The following INTS9 variants were observed in gnomAD, a reference collection of about 807,000 sequenced individuals.
The protein encoded by INTS9 is protein related to CPSF subunits of 74 kDa.
Under a neutral mutation model 79.7 loss-of-function variants are expected in INTS9, and 55 were observed. That is an observed-to-expected ratio of 0.69 (90% CI 0.56 to 0.86). The LOEUF (loss-of-function observed/expected upper bound fraction) is 0.86, where lower values mean the gene tolerates loss of function less well. INTS9 is among the 40% of genes least tolerant of loss of function. The pLI is 0.00. For synonymous variants in INTS9, 319 were observed against 325.2 expected (o/e 0.98, Z 0.20); for missense variants, 721 against 831.5 (o/e 0.87, Z 1.64).
At chr8:28,823,538 T>A (rs779522675) in intron 6 of INTS9, among the ~76,000 whole-genome samples, 1 of 152,234 alleles carries the variant, frequency 6.6e-6, no homozygotes, top group African/African-American at 2.4e-5. Flanking sequence ...TTCATTCTCC[T>A]GTGCAGACTC....
rs1806509270 is a variant in INTS9, at chr8:28,831,857, C to A, written c.488+3435G>T. Among the ~76,000 whole-genome samples the A allele has an allele frequency of 3.3e-5, 5 of 152,100 alleles. No homozygotes were observed. In the South Asian group the frequency reaches 8.3e-4, roughly 25 times the overall value. ...GGAACTACAGGTGCCCACCACTACG[C>A]CTGGCTAATTTTTTTTTGTATTTTT... On this transcript the variant is annotated intron_variant, in intron 6 of 16. Transcript: ENST00000521022.
chr8:28,847,749 G>A (rs1035885736), intron 3 of INTS9, among the ~76,000 whole-genome samples: 8 of 152,188 alleles, frequency 5.3e-5, no homozygotes, highest in African/African-American at 1.9e-4. Context: ...TATATGGGAG[G>A]TGCTGAGAAA....
At chr8:28,865,554 C>T (rs1808697871) in intron 1 of INTS9, among the ~76,000 whole-genome samples, 1 of 151,476 alleles carries the variant, frequency 6.6e-6, no homozygotes, top group Non-Finnish European at 1.5e-5. Flanking sequence ...ATAAACAGTT[C>T]ACTGGTAATA....
intron 1 of INTS9, among the ~76,000 whole-genome samples, chr8:28,866,708 GGCTCAC>G (rs1364268844): frequency 6.6e-6 from 1 of 152,248 alleles, no homozygotes; most frequent in African/African-American, 2.4e-5. Context: ...CAGGCGTGGT[GGCTCAC>G]GCCTGTAATC....
intron 4 of INTS9, among the ~76,000 whole-genome samples, chr8:28,844,287 G>A (rs1228368273): frequency 1.3e-5 from 2 of 152,180 alleles, no homozygotes; most frequent in African/African-American, 4.8e-5. Context: ...GTTCAAACCT[G>A]TTCTTCCAGC....
At chr8:28,886,344 C>T (rs961256979) in intron 1 of INTS9, among the ~76,000 whole-genome samples, 8 of 151,588 alleles carry the variant, frequency 5.3e-5, no homozygotes, top group Admixed American at 1.3e-4. Context: ...ACCTTCTAGG[C>T]GCAAGTGATC....
At chr8:28,790,588 A>C (rs145779181) in intron 10 of INTS9, among the ~76,000 whole-genome samples, 455 of 152,226 alleles carry the variant, frequency 3.0e-3, no homozygotes, top group African/African-American at 0.011. Flanking sequence ...TTGGCCTCCT[A>C]AAGTGCTGGG....
intron 1 of INTS9, among the ~76,000 whole-genome samples, chr8:28,878,941 C>T (rs980553516): frequency 2.1e-4 from 32 of 151,256 alleles, no homozygotes; most frequent in Non-Finnish European, 3.2e-4. Context: ...GATTGCCCAC[C>T]GCACTCCGGC....
intron 3 of INTS9, among the ~76,000 whole-genome samples, chr8:28,849,297 T>C (rs951272371): frequency 6.6e-6 from 1 of 152,202 alleles, no homozygotes; most frequent in Non-Finnish European, 1.5e-5. Flanking sequence ...AGTTGTAACA[T>C]TTTTGGTAGC....
At chr8:28,839,865 C>T (rs1304108162) in intron 4 of INTS9, among the ~76,000 whole-genome samples, 1 of 145,178 alleles carries the variant, frequency 6.9e-6, no homozygotes, top group South Asian at 2.3e-4. Context: ...CATTACCATT[C>T]AGGACATAGG....
At chr8:28,806,497 G>A (rs1207429712) in intron 8 of INTS9, among the ~76,000 whole-genome samples, 1 of 152,006 alleles carries the variant, frequency 6.6e-6, no homozygotes, top group Admixed American at 6.5e-5. Flanking sequence ...CAGTAGCTAA[G>A]CAAAGATATA....
intron 9 of INTS9, among the ~76,000 whole-genome samples, chr8:28,795,412 C>T (rs1332864424): frequency 3.3e-5 from 5 of 151,896 alleles, no homozygotes; most frequent in African/African-American, 7.3e-5. Context: ...GAGGCCGAGG[C>T]GGACGGATCA....
chr8:28,829,125 T>G (rs971665694), intron 6 of INTS9, among the ~76,000 whole-genome samples: 1 of 152,234 alleles, frequency 6.6e-6, no homozygotes. Flanking sequence ...TTGTAATGAT[T>G]TATCCTTATT....
chr8:28,881,206 T>C lies in INTS9; in HGVS notation c.9+8668A>G, dbSNP rs1368161501. 4.1e-4 allele frequency among the ~76,000 whole-genome samples: 57 copies of C among 138,918 alleles called. No individual in the cohort carries two copies. The East Asian group carries it at 8.1e-3, about 20-fold the overall frequency. 91.1% of individuals were successfully genotyped at this position (138,918 alleles called of 152,430 possible). A position where few individuals can be genotyped will look rare whatever the true frequency, so the allele number is the denominator to read the frequency against. ...CTGCCCGGCCGCCCCTACTGGGAAGTGAGGAGCCCCTCTGCCCGGCCAGTC... is the reference window on the plus strand; with the variant it reads ...CTGCCCGGCCGCCCCTACTGGGAAGCGAGGAGCCCCTCTGCCCGGCCAGTC... On this transcript the variant is annotated intron_variant, in intron 1 of 16. Transcript: ENST00000521022.
intron 2 of INTS9, among the ~76,000 whole-genome samples, chr8:28,858,989 T>C (rs944713199): frequency 2.0e-5 from 3 of 152,064 alleles, no homozygotes; most frequent in Non-Finnish European, 4.4e-5. Flanking sequence ...TTGGGCTACA[T>C]ATGTGGTTCT....
chr8:28,879,082 A>G (rs904304612), intron 1 of INTS9, among the ~76,000 whole-genome samples: 3 of 152,224 alleles, frequency 2.0e-5, no homozygotes, highest in African/African-American at 7.2e-5. Flanking sequence ...AACGCATTCT[A>G]TGAGAACAAT....
chr8:28,842,320 GAT>G (rs1454989317), intron 4 of INTS9, among the ~76,000 whole-genome samples: 5 of 152,118 alleles, frequency 3.3e-5, no homozygotes, highest in African/African-American at 7.2e-5. Flanking sequence ...AGTGCTTACA[GAT>G]ATATGTTGTA....
chr8:28,877,805 C>A (rs1266702874), intron 1 of INTS9, among the ~76,000 whole-genome samples: 1 of 152,152 alleles, frequency 6.6e-6, no homozygotes, highest in Admixed American at 6.5e-5. Flanking sequence ...ATGCCCTAAA[C>A]TTTAATCATG....
intron 8 of INTS9, among the ~76,000 whole-genome samples, chr8:28,809,099 G>A (rs1804968734): frequency 6.6e-6 from 1 of 151,998 alleles, no homozygotes; most frequent in East Asian, 1.9e-4. Flanking sequence ...ACAGGCGCAT[G>A]CCACCGCACC....
Sources: allele counts gnomAD v4.1 joint callset (sites outside exome capture counted in the v4.1 genomes callset), GRCh38; gene constraint gnomAD v4.1.1; transcripts MANE v1.5; gene names NCBI Gene and HGNC (gene_info 2026-07-23, HGNC 2026-07-21).